RNF180: variants seen among roughly 807,000 people sequenced by gnomAD.
The protein encoded by RNF180 is E3 ubiquitin-protein ligase RNF180.
In RNF180, 38 loss-of-function variants were observed where a neutral mutation model predicts 59.2. The ratio of observed to expected loss-of-function variants is 0.64; its 90% confidence interval spans 0.50 to 0.84. The LOEUF (loss-of-function observed/expected upper bound fraction) is 0.84. Ranked by LOEUF, RNF180 falls within the 40% of genes least tolerant of loss-of-function variation. The pLI, the probability that RNF180 is intolerant of heterozygous loss-of-function variation, is 0.00. For synonymous variants in RNF180, 262 were observed against 240.3 expected (o/e 1.09, Z -0.84); for missense variants, 705 against 700.9 (o/e 1.01, Z -0.07).
rs111318568 is a variant in RNF180, at chr5:64,280,432, T to C, written c.1228-44754T>C. Among the ~76,000 whole-genome samples, 4 of 152,332 alleles carry C rather than the reference T, an allele frequency of 2.6e-5. 1 individual carries two copies. The highest frequency in any genetic ancestry group is 9.6e-5 in the African/African-American group (4 of 41,582). ...TTTCCTAAGTTTTCTTCTAGGGTTT[T>C]ATAGTTTTATGGTTTATATTTAAGT... On this transcript the variant is annotated intron_variant, in intron 5 of 7. Coordinates refer to ENST00000389100, the MANE Select transcript of RNF180 (RefSeq NM_001113561.2).
At chr5:64,255,525 G>A (rs1401442488) in intron 5 of RNF180, among the ~76,000 whole-genome samples, 2 of 152,168 alleles carry the variant, frequency 1.3e-5, no homozygotes, top group Non-Finnish European at 2.9e-5. Flanking sequence ...CTAAGGACAT[G>A]AACTCATCAT....
intron 7 of RNF180, among the ~76,000 whole-genome samples, chr5:64,357,108 A>G (rs1426563541): frequency 1.3e-5 from 2 of 151,940 alleles, no homozygotes; most frequent in Non-Finnish European, 2.9e-5. Flanking sequence ...TTGAAATTTA[A>G]GCAGATGTTA....
intron 1 of RNF180, among the ~76,000 whole-genome samples, chr5:64,183,229 A>G (rs182373887): frequency 2.0e-5 from 3 of 152,138 alleles, no homozygotes; most frequent in Non-Finnish European, 4.4e-5. Context: ...CATCTATAAA[A>G]TGGAGTTAAC....
chr5:64,168,336 G>A (rs1345114630), intron 1 of RNF180, among the ~76,000 whole-genome samples: 1 of 152,116 alleles, frequency 6.6e-6, no homozygotes, highest in Non-Finnish European at 1.5e-5. Flanking sequence ...TGGCTACGAA[G>A]GCAGTTTTAA....
At chr5:64,221,044 G>C (rs1741298059) in intron 5 of RNF180, among the ~76,000 whole-genome samples, 1 of 151,964 alleles carries the variant, frequency 6.6e-6, no homozygotes, top group Admixed American at 6.6e-5. Flanking sequence ...TCATTTTCAT[G>C]GATCTGCATA....
Position 64,177,526 on chromosome 5 carries a change from CATATATATATATATATATATATATAT to C in RNF180, c.-1+11588_-1+11613del, listed in dbSNP as rs58046669. ...TTTTTTTCAAAGGCATAAATTATGC[CATATATATATATATATATATATATAT>C]ATATATATATATATGTATTTATTTC... On this transcript the variant is annotated intron_variant, in intron 1 of 7. Coordinates refer to ENST00000389100, the MANE Select transcript of RNF180 (RefSeq NM_001113561.2). Among the ~76,000 whole-genome samples, 13 of 105,196 alleles carry C rather than the reference CATATATATATATATATATATATATAT, an allele frequency of 1.2e-4. No individual in the cohort carries two copies. The East Asian group carries it at 3.3e-3, about 27-fold the overall frequency. 69.0% of individuals were successfully genotyped at this position (105,196 alleles called of 152,430 possible).
chr5:64,262,970 CA>C (rs1744432391), intron 5 of RNF180, among the ~76,000 whole-genome samples: 1 of 152,104 alleles, frequency 6.6e-6, no homozygotes, highest in Non-Finnish European at 1.5e-5. Context: ...CTAGGAGTCC[CA>C]ACAAGATGTA....
chr5:64,191,719 A>G (rs1751170508), intron 1 of RNF180, among the ~76,000 whole-genome samples: 2 of 152,178 alleles, frequency 1.3e-5, no homozygotes, highest in Admixed American at 1.3e-4. Context: ...ATGGTTTCCA[A>G]ATATTTTTAT....
At chr5:64,181,894 G>GAA (rs374833606) in intron 1 of RNF180, among the ~76,000 whole-genome samples, 9 of 151,772 alleles carry the variant, frequency 5.9e-5, no homozygotes, top group African/African-American at 1.9e-4. Flanking sequence ...TGCAAATAGT[G>GAA]AAATATTTAA....
chr5:64,370,926 A>G lies in RNF180; in HGVS notation c.*1112A>G, dbSNP rs1320254341. ...ACACTATGATGTCATATATCTGGTAATTCAATAAGCAAACTTTTACATAAA... is the reference window on the plus strand; with the variant it reads ...ACACTATGATGTCATATATCTGGTAGTTCAATAAGCAAACTTTTACATAAA... On this transcript the variant is annotated 3_prime_UTR_variant, in exon 8 of 8. Coordinates refer to ENST00000389100, the MANE Select transcript of RNF180 (RefSeq NM_001113561.2). 1 of 151,690 alleles carries G rather than the reference A, an allele frequency of 6.6e-6. No homozygotes were observed. The highest frequency in any genetic ancestry group is 1.5e-5 in the Non-Finnish European group (1 of 67,740). The allele number at this position is 151,690 out of a possible 1,614,324, so 9.4% of individuals were successfully genotyped here. A position where few individuals can be genotyped will look rare whatever the true frequency, so the allele number is the denominator to read the frequency against.
At chr5:64,189,398 T>C (rs990984809) in intron 1 of RNF180, among the ~76,000 whole-genome samples, 4 of 152,304 alleles carry the variant, frequency 2.6e-5, no homozygotes, top group African/African-American at 9.6e-5. Flanking sequence ...AAGGTGATTC[T>C]GGTGAAGTCT....
In RNF180 at chr5:64,334,840, A is replaced by G. The variant is rs1477706524; in HGVS notation, c.1579+4434A>G. Among the ~76,000 whole-genome samples the G allele has an allele frequency of 2.6e-5, 4 of 152,310 alleles. No homozygotes were observed. In the South Asian group the frequency reaches 6.2e-4, roughly 24 times the overall value. ...ACAATTGAGTGGTCCAATTTTTATT[A>G]TAAACAGTGTTTCTATAAACACTCT... On this transcript the variant is annotated intron_variant, in intron 7 of 7. Coordinates refer to ENST00000389100, the MANE Select transcript of RNF180 (RefSeq NM_001113561.2).
chr5:64,327,041 T>A (rs1049858031), intron 6 of RNF180, among the ~76,000 whole-genome samples: 5 of 152,186 alleles, frequency 3.3e-5, no homozygotes, highest in African/African-American at 1.2e-4. Flanking sequence ...AGGTTGTATG[T>A]GTCTAGGAAT....
chr5:64,180,477 GT>G (rs1750512409), intron 1 of RNF180, among the ~76,000 whole-genome samples: 1 of 152,160 alleles, frequency 6.6e-6, no homozygotes, highest in Non-Finnish European at 1.5e-5. Context: ...GCAGCCTCCA[GT>G]GTACCATTTT....
At chr5:64,195,658 G>T (rs1751419976) in intron 1 of RNF180, among the ~76,000 whole-genome samples, 1 of 152,190 alleles carries the variant, frequency 6.6e-6, no homozygotes, top group Non-Finnish European at 1.5e-5. Flanking sequence ...AAACTTTTAA[G>T]TAAAGACCAA....
intron 1 of RNF180, among the ~76,000 whole-genome samples, chr5:64,172,057 G>A (rs1264384632): frequency 6.6e-6 from 1 of 152,146 alleles, no homozygotes; most frequent in African/African-American, 2.4e-5. Flanking sequence ...ATGTCTTTGG[G>A]CATCAGTATC....
At chr5:64,311,785 C>T (rs1561253844) in intron 5 of RNF180, among the ~76,000 whole-genome samples, 1 of 151,932 alleles carries the variant, frequency 6.6e-6, no homozygotes. Flanking sequence ...GAAAATTCAC[C>T]GTTCCCCCAT....
intron 6 of RNF180, among the ~76,000 whole-genome samples, chr5:64,327,069 G>A (rs1168873358): frequency 6.6e-6 from 1 of 151,940 alleles, no homozygotes; most frequent in African/African-American, 2.4e-5. Flanking sequence ...TTTCCTCTAG[G>A]TTTTGAAATT....
At chr5:64,367,213 T>C (rs1428360607) in intron 7 of RNF180, among the ~76,000 whole-genome samples, 1 of 151,530 alleles carries the variant, frequency 6.6e-6, no homozygotes, top group Non-Finnish European at 1.5e-5. Context: ...AGGAAATGCT[T>C]AGGGGAGTCC....
Sources: allele counts gnomAD v4.1 joint callset (sites outside exome capture counted in the v4.1 genomes callset), GRCh38; gene constraint gnomAD v4.1.1; transcripts MANE v1.5; gene names NCBI Gene and HGNC (gene_info 2026-07-23, HGNC 2026-07-21).